The following RTN4R variants were observed in gnomAD, a reference collection of about 807,000 sequenced individuals.
The protein encoded by RTN4R is reticulon-4 receptor.
In RTN4R, 4 loss-of-function variants were observed where a neutral mutation model predicts 27.7. The ratio of observed to expected loss-of-function variants is 0.14; its 90% CI spans 0.07 to 0.33. The LOEUF (loss-of-function observed/expected upper bound fraction) is 0.33, where lower values mean the gene tolerates loss of function less well. Ranked by LOEUF, RTN4R falls within the 10% of genes least tolerant of loss-of-function variation. The pLI, the probability that RTN4R is intolerant of heterozygous loss-of-function variation, is 1.00. For missense variants in RTN4R, 554 were observed against 671.5 expected (o/e 0.83, Z 1.93); for synonymous variants, 290 against 305.6 (o/e 0.95, Z 0.53).
intron 1 of RTN4R, among the ~76,000 whole-genome samples, chr22:20,246,562 C>T (rs2051142308): frequency 1.3e-5 from 2 of 152,170 alleles, no homozygotes; most frequent in South Asian, 2.1e-4. Flanking sequence ...ATTGGGCAGG[C>T]AGGCGGCTGC....
intron 1 of RTN4R, among the ~76,000 whole-genome samples, chr22:20,244,938 C>T (rs1288039725): frequency 1.3e-5 from 2 of 152,176 alleles, no homozygotes; most frequent in Admixed American, 1.3e-4. Context: ...TGGCCACGCC[C>T]GCCACATTAC....
chr22:20,257,014 T>C (rs1302272128), intron 1 of RTN4R, among the ~76,000 whole-genome samples: 1 of 152,228 alleles, frequency 6.6e-6, no homozygotes, highest in Admixed American at 6.5e-5. Flanking sequence ...CCCTGGGCTT[T>C]GGGCTCCACA....
intron 1 of RTN4R, among the ~76,000 whole-genome samples, chr22:20,263,334 A>AGGGGTGCCTCTCAGAGAAG (rs2051258546): frequency 6.6e-6 from 1 of 152,192 alleles, no homozygotes; most frequent in African/African-American, 2.4e-5. Flanking sequence ...TACATCGCAT[A>AGGGGTGCCTCTCAGAGAAG]GGGGTGCCTC....
intron 1 of RTN4R, chr22:20,249,002 C>T (rs2145976080): frequency 2.3e-6 from 1 of 433,702 alleles, no homozygotes; most frequent in Non-Finnish European, 4.8e-6. Context: ...GGAGGCTCTG[C>T]CCAGTGGAGG....
chr22:20,263,620 C>A (rs2051260279), intron 1 of RTN4R, among the ~76,000 whole-genome samples: 1 of 152,358 alleles, frequency 6.6e-6, no homozygotes, highest in Non-Finnish European at 1.5e-5. Context: ...ACACCTCACT[C>A]CCAGATCAGC....
At chr22:20,261,511 G>A (rs1260782730) in intron 1 of RTN4R, among the ~76,000 whole-genome samples, 1 of 152,218 alleles carries the variant, frequency 6.6e-6, no homozygotes, top group African/African-American at 2.4e-5. Context: ...CGATAGCCAC[G>A]TGCGGACAGG....
intron 1 of RTN4R, among the ~76,000 whole-genome samples, chr22:20,246,989 TCA>T (rs1236936859): frequency 1.3e-5 from 2 of 152,088 alleles, no homozygotes; most frequent in East Asian, 1.9e-4. Flanking sequence ...AGGGAGACAC[TCA>T]CAGTGCTGCC....
At chr22:20,248,171 C>G (rs1012654572) in intron 1 of RTN4R, among the ~76,000 whole-genome samples, 3 of 152,186 alleles carry the variant, frequency 2.0e-5, no homozygotes, top group African/African-American at 7.2e-5. Flanking sequence ...AAGGTCAAAT[C>G]CAACCATATG....
chr22:20,243,384 C>T, intron 1 of RTN4R: 1 of 685,628 alleles, frequency 1.5e-6, no homozygotes, highest in South Asian at 1.5e-5. Context: ...GAGCAGCCCA[C>T]TGGGTCACCA....
intron 1 of RTN4R, chr22:20,249,118 A>G (rs1276418098): frequency 1.9e-6 from 1 of 534,124 alleles, no homozygotes; most frequent in Admixed American, 1.9e-5. Flanking sequence ...CTGCTGCCTA[A>G]TTATCTGGAG....
chr22:20,265,863 C>G (rs1448620520), intron 1 of RTN4R, among the ~76,000 whole-genome samples: 1 of 152,228 alleles, frequency 6.6e-6, no homozygotes, highest in Non-Finnish European at 1.5e-5. Flanking sequence ...TCCGCCCAGC[C>G]TCAGCCTGGA....
intron 1 of RTN4R, among the ~76,000 whole-genome samples, chr22:20,265,861 G>C (rs889853842): frequency 3.3e-5 from 5 of 152,244 alleles, no homozygotes; most frequent in Non-Finnish European, 7.3e-5. Context: ...ATTCCGCCCA[G>C]CCTCAGCCTG....
At chr22:20,258,773 G>C (rs2051227448) in intron 1 of RTN4R, among the ~76,000 whole-genome samples, 1 of 152,168 alleles carries the variant, frequency 6.6e-6, no homozygotes, top group South Asian at 2.1e-4. Flanking sequence ...GGGGCCAGGG[G>C]ATCCTGAGTA....
chr22:20,259,692 C>T (rs922703151), intron 1 of RTN4R, among the ~76,000 whole-genome samples: 2 of 152,212 alleles, frequency 1.3e-5, no homozygotes, highest in East Asian at 1.9e-4. Flanking sequence ...CCTCAGCCCC[C>T]AGGCCAGCAG....
intron 1 of RTN4R, among the ~76,000 whole-genome samples, chr22:20,259,175 G>A (rs990500662): frequency 1.3e-5 from 2 of 152,276 alleles, no homozygotes; most frequent in African/African-American, 2.4e-5. Context: ...CCCATCATCC[G>A]CCTCAGGCCA....
At chr22:20,261,221 C>G (rs985842673) in intron 1 of RTN4R, among the ~76,000 whole-genome samples, 1 of 152,182 alleles carries the variant, frequency 6.6e-6, no homozygotes, top group Non-Finnish European at 1.5e-5. Context: ...CTGGATCCCC[C>G]CAGGGCAGGA....
intron 1 of RTN4R, among the ~76,000 whole-genome samples, chr22:20,262,590 C>A (rs1480257218): frequency 6.6e-6 from 1 of 152,214 alleles, no homozygotes; most frequent in Non-Finnish European, 1.5e-5. Flanking sequence ...CAAGGGCCAG[C>A]CCTCCACAAC....
intron 1 of RTN4R, chr22:20,267,503 T>G: frequency 2.4e-6 from 1 of 412,442 alleles, no homozygotes. Flanking sequence ...ATGGCGGGCG[T>G]TGCTGCCTCC....
At chr22:20,264,000 G>C (rs1045621390) in intron 1 of RTN4R, among the ~76,000 whole-genome samples, 1 of 100,870 alleles carries the variant, frequency 9.9e-6, no homozygotes, top group Non-Finnish European at 2.0e-5. Flanking sequence ...TCACCTACCC[G>C]GCCAGCCCAC....
Sources: allele counts gnomAD v4.1 joint callset (sites outside exome capture counted in the v4.1 genomes callset), GRCh38; gene constraint gnomAD v4.1.1; transcripts MANE v1.5; gene names NCBI Gene and HGNC (gene_info 2026-07-23, HGNC 2026-07-21).